Variants in TMEM135 observed in about 807,000 individuals in gnomAD.
TMEM135 encodes transmembrane protein 135, also known as peroxisomal membrane protein 52.
TMEM135 carries 30 observed loss-of-function variants against 60.3 expected under a neutral mutation model. That is an observed-to-expected ratio of 0.50 (90% CI 0.37 to 0.68). TMEM135 has a LOEUF of 0.68. Ranked by LOEUF, TMEM135 falls within the 30% of genes least tolerant of loss-of-function variation. The probability of loss-of-function intolerance (pLI) is 0.00; values close to 1 mark genes in which losing one functional copy is unlikely to be tolerated. For missense variants in TMEM135, 468 were observed against 548.8 expected, an observed-to-expected ratio of 0.85 and a Z score of 1.47; for synonymous variants, 190 against 186.7, an observed-to-expected ratio of 1.02 and a Z score of -0.14.
At chr11:87,043,455 G>T (rs538100667) in intron 1 of TMEM135, among the ~76,000 whole-genome samples, 1 of 152,100 alleles carries the variant, frequency 6.6e-6, no homozygotes, top group South Asian at 2.1e-4. Context: ...GCTGGGTGCG[G>T]TGTCTGACGC....
chr11:87,117,072 C>T (rs577585680), intron 4 of TMEM135, among the ~76,000 whole-genome samples: 11 of 152,194 alleles, frequency 7.2e-5, no homozygotes, highest in East Asian at 5.8e-4. Flanking sequence ...CCACCTGCCT[C>T]GGCCTCCCAA....
At chr11:87,190,358 C>G (rs76649742) in intron 5 of TMEM135, among the ~76,000 whole-genome samples, 1 of 152,022 alleles carries the variant, frequency 6.6e-6, no homozygotes, top group Non-Finnish European at 1.5e-5. Flanking sequence ...TGATGGTGTT[C>G]GGTGAGAGAG....
intron 4 of TMEM135, among the ~76,000 whole-genome samples, chr11:87,147,150 C>T (rs985030569): frequency 2.6e-5 from 4 of 151,990 alleles, no homozygotes; most frequent in African/African-American, 7.3e-5. Flanking sequence ...GGCGAAACCC[C>T]GTCTCTACTA....
intron 5 of TMEM135, among the ~76,000 whole-genome samples, chr11:87,214,794 C>T (rs1227874754): frequency 6.6e-6 from 1 of 152,092 alleles, no homozygotes; most frequent in Non-Finnish European, 1.5e-5. Flanking sequence ...AGATCTTTTT[C>T]AGCCAAAGTT....
chr11:87,130,716 G>A (rs12577852), intron 4 of TMEM135, among the ~76,000 whole-genome samples: 15,570 of 151,966 alleles, frequency 0.1, 822 homozygotes, highest in African/African-American at 0.12. Context: ...TGCCCAGGCT[G>A]GTCTTGAGCT....
intron 6 of TMEM135, among the ~76,000 whole-genome samples, chr11:87,276,761 C>T (rs1368753293): frequency 2.0e-5 from 3 of 150,466 alleles, no homozygotes; most frequent in African/African-American, 4.9e-5. Context: ...CTCTGCCTCC[C>T]GGGTTCCAGT....
At chr11:87,148,421 A>G (rs1938471037) in intron 4 of TMEM135, among the ~76,000 whole-genome samples, 1 of 152,230 alleles carries the variant, frequency 6.6e-6, no homozygotes, top group Non-Finnish European at 1.5e-5. Flanking sequence ...AGCTGATGAA[A>G]TAAATAAGTT....
At chr11:87,286,488 G>A (rs934012430) in intron 6 of TMEM135, among the ~76,000 whole-genome samples, 1 of 152,208 alleles carries the variant, frequency 6.6e-6, no homozygotes, top group Non-Finnish European at 1.5e-5. Context: ...GGCCACGGGC[G>A]GAGCTGCCTG....
intron 5 of TMEM135, among the ~76,000 whole-genome samples, chr11:87,181,523 T>A (rs1040894195): frequency 6.6e-6 from 1 of 152,178 alleles, no homozygotes; most frequent in African/African-American, 2.4e-5. Context: ...TATATGACAT[T>A]CTGCAAAAGC....
chr11:87,162,773 C>G (rs1302800286), intron 5 of TMEM135, among the ~76,000 whole-genome samples: 1 of 152,124 alleles, frequency 6.6e-6, no homozygotes, highest in Non-Finnish European at 1.5e-5. Flanking sequence ...ATTTCTGGTT[C>G]TAGATCCTTA....
chr11:87,124,520 T>C (rs1005659515), intron 4 of TMEM135, among the ~76,000 whole-genome samples: 1 of 152,174 alleles, frequency 6.6e-6, no homozygotes, highest in African/African-American at 2.4e-5. Context: ...TCTTCCTGAA[T>C]TAAAGCATAA....
At chr11:87,195,319 TTCC>T (rs1939912181) in intron 5 of TMEM135, among the ~76,000 whole-genome samples, 12 of 6,670 alleles carry the variant, frequency 1.8e-3, no homozygotes, top group African/African-American at 4.4e-3. Context: ...TTCTCTTTCC[TTCC>T]TTCCTTCCTT....
At chr11:87,244,989 G>T (rs145478208) in intron 6 of TMEM135, among the ~76,000 whole-genome samples, 13,230 of 151,268 alleles carry the variant, frequency 0.087, 743 homozygotes, top group South Asian at 0.15. Context: ...TGGGCATTTA[G>T]TGCTATAAAT....
At chr11:87,231,545 C>T (rs1565494790) in intron 5 of TMEM135, among the ~76,000 whole-genome samples, 1 of 151,904 alleles carries the variant, frequency 6.6e-6, no homozygotes, top group Non-Finnish European at 1.5e-5. Context: ...CTCAAGAAAA[C>T]TTATGGGAAT....
chr11:87,231,972 G>A (rs1458334777), intron 5 of TMEM135, among the ~76,000 whole-genome samples: 5 of 146,538 alleles, frequency 3.4e-5, no homozygotes, highest in African/African-American at 1.3e-4. Context: ...TTTTTTTTGA[G>A]ACAGAGTCTC....
At chr11:87,156,064 C>T (rs965383948) in intron 4 of TMEM135, among the ~76,000 whole-genome samples, 9 of 152,040 alleles carry the variant, frequency 5.9e-5, no homozygotes, top group Admixed American at 5.9e-4. Context: ...TCTTGTTAAG[C>T]CTGTGAGGAC....
Position 87,183,135 on chromosome 11 carries a change from ATTTTTTTT to A in TMEM135, c.462+25747_462+25754del, listed in dbSNP as rs772123636. 2.0e-3 allele frequency among the ~76,000 whole-genome samples: 189 copies of A among 92,620 alleles called. 2 individuals are homozygous for A. Among genetic ancestry groups the A allele is most frequent in the African/African-American group, 7.8e-3 (178 of 22,724 alleles). The allele number at this position is 92,620 out of a possible 152,430, so 60.8% of individuals were successfully genotyped here. On this transcript the variant is annotated intron_variant, in intron 5 of 14. Transcript: ENST00000305494. Reference sequence around the variant, plus strand: ...AATTAACATGAGTTGGTAATCACTAATTTTTTTTTTTTTTTTTTTTTTTTTGAGACAGA... The same window carrying A: ...AATTAACATGAGTTGGTAATCACTAATTTTTTTTTTTTTTTTTGAGACAGA...
At chr11:87,111,252 C>T (rs918004836) in intron 4 of TMEM135, among the ~76,000 whole-genome samples, 2 of 151,818 alleles carry the variant, frequency 1.3e-5, no homozygotes, top group Non-Finnish European at 2.9e-5. Flanking sequence ...TTTTTTGTTT[C>T]ACATCTTTTA....
At chr11:87,047,406 G>C (rs916529309) in intron 1 of TMEM135, among the ~76,000 whole-genome samples, 154 of 151,572 alleles carry the variant, frequency 1.0e-3, no homozygotes, top group Non-Finnish European at 1.4e-3. Context: ...CTGAGGTACC[G>C]GGTTCATCTC....
Sources: gnomAD v4.1 joint callset for allele counts (sites outside exome capture counted in the v4.1 genomes callset) on GRCh38, gnomAD v4.1.1 for gene constraint, MANE v1.5 for transcripts, NCBI Gene and HGNC (gene_info 2026-07-23, HGNC 2026-07-21) for gene names.